Variants in NDUFAF5 observed in about 807,000 individuals in gnomAD.
The protein encoded by NDUFAF5 is arginine-hydroxylase NDUFAF5, mitochondrial.
Under a neutral mutation model 48.9 loss-of-function variants are expected in NDUFAF5, and 34 were observed. The ratio of observed to expected loss-of-function variants is 0.70; its 90% confidence interval spans 0.53 to 0.93. The LOEUF (loss-of-function observed/expected upper bound fraction) is 0.93, where lower values mean the gene tolerates loss of function less well. NDUFAF5 is among the 40% of genes least tolerant of loss of function. The pLI is 0.00. For missense variants in NDUFAF5, 428 were observed against 427.5 expected, an observed-to-expected ratio of 1.00 and a Z score of -0.01; for synonymous variants, 153 against 150.6, an observed-to-expected ratio of 1.02 and a Z score of -0.12.
In NDUFAF5 at chr20:13,818,656, A is replaced by G. The variant is rs955636457; in HGVS notation, c.*1446A>G. On this transcript the variant is annotated 3_prime_UTR_variant, in exon 11 of 11. Transcript: ENST00000378106. ...GACCTCATCTAAAGAAAAATCCACC[A>G]AAAACCCTGTGTTTTAAAGTGCAAA... 2 of 175,098 alleles carry G rather than the reference A, an allele frequency of 1.1e-5. No individual in the cohort carries two copies. The highest frequency in any genetic ancestry group is 4.8e-5 in the African/African-American group (2 of 41,560). The allele number at this position is 175,098 out of a possible 1,614,324, so 10.8% of individuals were successfully genotyped here.
intron 1 of NDUFAF5, among the ~76,000 whole-genome samples, chr20:13,786,725 T>C (rs913735214): frequency 1.3e-5 from 2 of 152,180 alleles, no homozygotes; most frequent in African/African-American, 4.8e-5. Context: ...CAGATGAAGC[T>C]AGGCCAGCAA....
intron 7 of NDUFAF5, among the ~76,000 whole-genome samples, chr20:13,802,764 T>G (rs1984399023): frequency 6.6e-6 from 1 of 151,956 alleles, no homozygotes; most frequent in Admixed American, 6.5e-5. Flanking sequence ...ATGCTCAGCT[T>G]ACATTAGCTC....
chr20:13,814,509 T>C (rs944979065), intron 8 of NDUFAF5: 11 of 1,279,408 alleles, frequency 8.6e-6, no homozygotes, highest in Admixed American at 6.9e-5. Flanking sequence ...TTCACAGTGG[T>C]CTTAAGGTAA....
rs1981682700 is a variant in NDUFAF5 at position 13,788,803 on chromosome 20, ATGG to A, written c.327+156_327+158del. On this transcript the variant is annotated intron_variant, in intron 3 of 10. Transcript: ENST00000378106. ...TTTTTTTTTTTAAGTGGTAGAATCA[ATGG>A]TGGTTTTCTCCCTTCTTTAGAATTT... 7 of 585,522 alleles carry A rather than the reference ATGG, an allele frequency of 1.2e-5. No homozygotes were observed. The South Asian group carries it at 1.5e-4, about 12-fold the overall frequency. The allele number at this position is 585,522 out of a possible 1,614,324, so 36.3% of individuals were successfully genotyped here.
Position 13,816,451 on chromosome 20 carries a change from GT to G in NDUFAF5, c.779-11del. 1 of 1,599,058 alleles carries G rather than the reference GT, an allele frequency of 6.3e-7. No individual in the cohort carries two copies. Among genetic ancestry groups the G allele is most frequent in the East Asian group, 2.2e-5 (1 of 44,812 alleles). ...GCTGTATTATCTCAAACTACCTGTA[GT>G]GTATTTGTAGGTATGGGTGAGAGTA... On this transcript the variant is annotated splice_polypyrimidine_tract_variant and intron_variant, in intron 8 of 10. Coordinates refer to ENST00000378106, the MANE Select transcript of NDUFAF5 (RefSeq NM_024120.5).
intron 3 of NDUFAF5, among the ~76,000 whole-genome samples, chr20:13,791,653 A>G (rs557553811): frequency 6.6e-6 from 1 of 152,332 alleles, no homozygotes; most frequent in African/African-American, 2.4e-5. Context: ...ACACAGAGAC[A>G]TTTGTTACAG....
rs1031766996 is a variant in NDUFAF5 at position 13,820,799 on chromosome 20, A to T, written c.*3589A>T. On this transcript the variant is annotated 3_prime_UTR_variant, in exon 11 of 11. Transcript: ENST00000378106. Reference sequence around the variant, plus strand: ...TGGCTTCTGTGAAGGAAAGAAGTGAATATTAGTAGATATTTGGAAAAAAGA... The same window carrying T: ...TGGCTTCTGTGAAGGAAAGAAGTGATTATTAGTAGATATTTGGAAAAAAGA... 1 of 152,246 alleles carries T rather than the reference A, an allele frequency of 6.6e-6. No homozygotes were observed. Among genetic ancestry groups the T allele is most frequent in the Non-Finnish European group, 1.5e-5 (1 of 68,048 alleles). The allele number at this position is 152,246 out of a possible 1,614,324, so 9.4% of individuals were successfully genotyped here.
chr20:13,817,354 C>T lies in NDUFAF5; in HGVS notation c.*144C>T. On this transcript the variant is annotated 3_prime_UTR_variant, in exon 11 of 11. Transcript: ENST00000378106. ...ATATAATTAGGAAAACCTAATATCA[C>T]ATCTATAGTAACCATTTCAGTTTCA... 4.1e-6 allele frequency: 3 copies of T among 740,632 alleles called. No homozygotes were observed. Among genetic ancestry groups the T allele is most frequent in the Non-Finnish European group, 7.3e-6 (3 of 408,578 alleles). The allele number at this position is 740,632 out of a possible 1,614,324, so 45.9% of individuals were successfully genotyped here. A position where few individuals can be genotyped will look rare whatever the true frequency, so the allele number is the denominator to read the frequency against.
chr20:13,811,732 T>TA (rs1985892773), intron 8 of NDUFAF5, among the ~76,000 whole-genome samples: 1 of 152,220 alleles, frequency 6.6e-6, no homozygotes, highest in Non-Finnish European at 1.5e-5. Context: ...TTGAAAGGGA[T>TA]GCTGGAGAAG....
At chr20:13,807,578 C>T (rs1362548803) in intron 7 of NDUFAF5, among the ~76,000 whole-genome samples, 1 of 151,496 alleles carries the variant, frequency 6.6e-6, no homozygotes, top group African/African-American at 2.4e-5. Context: ...GAGAACTGTA[C>T]AGTATTTTAT....
intron 8 of NDUFAF5, among the ~76,000 whole-genome samples, chr20:13,811,377 A>G (rs1386001118): frequency 6.6e-6 from 1 of 152,158 alleles, no homozygotes; most frequent in Non-Finnish European, 1.5e-5. Context: ...ATCAAGGCAG[A>G]GGTGGTGTGA....
At position 13,801,475 on chromosome 20, in the gene NDUFAF5, A is replaced by G. The variant is rs193289189; in HGVS notation, c.520-11A>G. ...AATTTGAATCATTTTGTTTTCTTGTATTTATTACAGATTCATTATATTTTA... is the reference window on the plus strand; with the variant it reads ...AATTTGAATCATTTTGTTTTCTTGTGTTTATTACAGATTCATTATATTTTA... On this transcript the variant is annotated splice_polypyrimidine_tract_variant and intron_variant, in intron 6 of 10. Transcript: ENST00000378106. 4.0e-5 allele frequency: 63 copies of G among 1,565,610 alleles called. No homozygotes were observed. The Admixed American group carries it at 8.2e-4, about 20-fold the overall frequency.
chr20:13,808,174 G>C (rs992687649), intron 7 of NDUFAF5, among the ~76,000 whole-genome samples: 2 of 152,108 alleles, frequency 1.3e-5, no homozygotes, highest in African/African-American at 2.4e-5. Flanking sequence ...GCTCTTAACT[G>C]TCTTGCCCCT....
At chr20:13,790,246 A>T (rs2147494047) in intron 3 of NDUFAF5, among the ~76,000 whole-genome samples, 1 of 152,344 alleles carries the variant, frequency 6.6e-6, no homozygotes, top group South Asian at 2.1e-4. Flanking sequence ...CATATAAATG[A>T]TGGGATGTAT....
intron 8 of NDUFAF5, among the ~76,000 whole-genome samples, chr20:13,810,879 CT>C (rs1271621936): frequency 6.6e-6 from 1 of 151,924 alleles, no homozygotes; most frequent in African/African-American, 2.4e-5. Flanking sequence ...TCTTGTGGGT[CT>C]ATTTTTTTTG....
intron 5 of NDUFAF5, among the ~76,000 whole-genome samples, chr20:13,797,936 A>G (rs1427494938): frequency 1.3e-5 from 2 of 152,216 alleles, no homozygotes; most frequent in Non-Finnish European, 2.9e-5. Context: ...GATTTTTTAA[A>G]AAATGGGATA....
intron 2 of NDUFAF5, among the ~76,000 whole-genome samples, 161 bp downstream of exon 2, chr20:13,787,513 G>C (rs1387918288): frequency 6.6e-6 from 1 of 152,124 alleles, no homozygotes; most frequent in Non-Finnish European, 1.5e-5. Flanking sequence ...TGTCTGGAGA[G>C]CAAATGTTTT....
Position 13,819,414 on chromosome 20 carries a change from G to T in NDUFAF5, c.*2204G>T, listed in dbSNP as rs1986828265. The stretch of plus-strand genomic sequence containing the variant: ...AGACGGAGTCTCGCTCTGTCTCCAG[G>T]CTGGAGTACAGTGGCGCAATCTCGG... On this transcript the variant is annotated 3_prime_UTR_variant, in exon 11 of 11. Transcript: ENST00000378106. The T allele has an allele frequency of 6.6e-6, 1 of 151,928 alleles. No homozygotes were observed. Among genetic ancestry groups the T allele is most frequent in the Admixed American group, 6.6e-5 (1 of 15,252 alleles). 9.4% of individuals were successfully genotyped at this position (151,928 alleles called of 1,614,324 possible). A position where few individuals can be genotyped will look rare whatever the true frequency, so the allele number is the denominator to read the frequency against.
chr20:13,785,985 T>C (rs1981025797), intron 1 of NDUFAF5, among the ~76,000 whole-genome samples: 1 of 152,226 alleles, frequency 6.6e-6, no homozygotes, highest in Non-Finnish European at 1.5e-5. Context: ...TGTGAAGCTC[T>C]TGTTTTAATC....
Sources: gnomAD v4.1 joint callset for allele counts (sites outside exome capture counted in the v4.1 genomes callset) on GRCh38, gnomAD v4.1.1 for gene constraint, MANE v1.5 for transcripts, NCBI Gene and HGNC (gene_info 2026-07-23, HGNC 2026-07-21) for gene names.